The following AGPAT3 variants were observed in gnomAD, a reference collection of about 807,000 sequenced individuals.
AGPAT3 encodes the protein 1-acyl-sn-glycerol-3-phosphate acyltransferase gamma.
AGPAT3 carries 5 observed loss-of-function variants against 47.3 expected under a neutral mutation model. That is an observed-to-expected ratio of 0.11 (90% CI 0.06 to 0.22). The LOEUF (loss-of-function observed/expected upper bound fraction) is 0.22. Among genes scored for constraint, AGPAT3 ranks in the 10% least tolerant of loss-of-function variants. The probability of loss-of-function intolerance (pLI) is 1.00; values close to 1 mark genes in which losing one functional copy is unlikely to be tolerated. For missense variants in AGPAT3, 315 were observed against 493.0 expected, an observed-to-expected ratio of 0.64 and a Z score of 3.42; for synonymous variants, 212 against 208.3, an observed-to-expected ratio of 1.02 and a Z score of -0.15.
At chr21:43,929,966 C>T (rs1269333470) in intron 2 of AGPAT3, among the ~76,000 whole-genome samples, 3 of 152,212 alleles carry the variant, frequency 2.0e-5, no homozygotes, top group Middle Eastern at 3.2e-3. Context: ...AGGTGACAGA[C>T]GCGTTCTCTG....
intron 4 of AGPAT3, among the ~76,000 whole-genome samples, chr21:43,968,440 C>T (rs1450642721): frequency 7.3e-5 from 11 of 150,596 alleles, no homozygotes; most frequent in Non-Finnish European, 1.3e-4. Flanking sequence ...AGCAAGAGGG[C>T]CCTGGGTGGG....
chr21:43,902,897 G>A (rs573665974), intron 1 of AGPAT3, among the ~76,000 whole-genome samples: 3 of 152,326 alleles, frequency 2.0e-5, no homozygotes, highest in Non-Finnish European at 4.4e-5. Context: ...CTACTTGGGA[G>A]GCTGAGGTGG....
At chr21:43,948,087 T>G (rs1022920884) in intron 2 of AGPAT3, 2 of 152,244 alleles carry the variant, frequency 1.3e-5, no homozygotes, top group Non-Finnish European at 2.9e-5. Flanking sequence ...AAGCTGTGTT[T>G]TTGGCCAAAG....
intron 2 of AGPAT3, among the ~76,000 whole-genome samples, chr21:43,917,930 GTGT>G (rs1330623951): frequency 2.9e-5 from 2 of 69,254 alleles, no homozygotes; most frequent in Admixed American, 1.5e-4. Flanking sequence ...GGGGGTGTGG[GTGT>G]TGTGGGTGTT....
intron 2 of AGPAT3, among the ~76,000 whole-genome samples, chr21:43,929,277 G>C (rs571090734): frequency 4.7e-4 from 71 of 152,338 alleles, no homozygotes; most frequent in African/African-American, 1.6e-3. Flanking sequence ...AGACGGGCCT[G>C]GCTCTGGGCC....
chr21:43,900,122 C>T (rs1310177653), intron 1 of AGPAT3, among the ~76,000 whole-genome samples: 5 of 152,170 alleles, frequency 3.3e-5, no homozygotes, highest in African/African-American at 4.8e-5. Flanking sequence ...TTGTTCTCTT[C>T]CAGAGACGGC....
At chr21:43,887,361 C>A (rs1569046378) in intron 1 of AGPAT3, among the ~76,000 whole-genome samples, 2 of 152,182 alleles carry the variant, frequency 1.3e-5, no homozygotes, top group Admixed American at 6.5e-5. Context: ...CAGGTTGAAA[C>A]AGCAACTATC....
chr21:43,917,542 A>T (rs1382082362), intron 2 of AGPAT3, among the ~76,000 whole-genome samples: 3 of 152,176 alleles, frequency 2.0e-5, no homozygotes, highest in African/African-American at 7.2e-5. Context: ...GAGTCCAATT[A>T]ACAAGAGCAC....
chr21:43,870,039 A>G (rs1244496596), intron 1 of AGPAT3, among the ~76,000 whole-genome samples: 1 of 152,168 alleles, frequency 6.6e-6, no homozygotes, highest in East Asian at 1.9e-4. Context: ...ACAAAAACAA[A>G]AGGAACAGTA....
rs2085827804 is a variant in AGPAT3, at chr21:43,880,198, G to A, written c.-112+14853G>A. On this transcript the variant is annotated intron_variant, in intron 1 of 9. Coordinates refer to ENST00000291572, the MANE Select transcript of AGPAT3 (RefSeq NM_020132.5). This position sits in a 1 kb window ranked among gnomAD's most constrained non-coding sequence, Gnocchi z 4.5. ...CTGTGGCCTCCCAGGCTGGTGCTGT[G>A]TTCCTGGACCAGCGTCCGATTTCCC... Among the ~76,000 whole-genome samples, 1 of 152,178 alleles carries A rather than the reference G, an allele frequency of 6.6e-6. No individual in the cohort carries two copies. The highest frequency in any genetic ancestry group is 1.5e-5 in the Non-Finnish European group (1 of 68,038).
intron 1 of AGPAT3, among the ~76,000 whole-genome samples, chr21:43,870,796 C>T (rs985329462): frequency 6.6e-6 from 1 of 152,120 alleles, no homozygotes; most frequent in Non-Finnish European, 1.5e-5. Context: ...CAAAGCTATA[C>T]AGGAAAATCG....
At chr21:43,953,062 A>G (rs1425260987) in intron 2 of AGPAT3, among the ~76,000 whole-genome samples, 1 of 152,228 alleles carries the variant, frequency 6.6e-6, no homozygotes, top group Non-Finnish European at 1.5e-5. Context: ...CGGCTCTGCC[A>G]TGCATTCTTG....
intron 1 of AGPAT3, chr21:43,866,475 C>T (rs2085509236): frequency 1.3e-5 from 2 of 152,198 alleles, no homozygotes; most frequent in Non-Finnish European, 2.9e-5. Flanking sequence ...CGACTCGACT[C>T]GCTTAGGAAT....
At position 43,886,793 on chromosome 21, in the gene AGPAT3, C is replaced by T. The variant is rs142874148; in HGVS notation, c.-111-17164C>T. 5.2e-3 allele frequency among the ~76,000 whole-genome samples: 790 copies of T among 152,286 alleles called. 6 individuals carry two copies. The highest frequency in any genetic ancestry group is 0.017 in the African/African-American group (727 of 41,552). ...GACAGAACCTCATTCTTTTTTATGGCTGAATAATACTCCATTGTGTATAAG... is the reference window on the plus strand; with the variant it reads ...GACAGAACCTCATTCTTTTTTATGGTTGAATAATACTCCATTGTGTATAAG... On this transcript the variant is annotated intron_variant, in intron 1 of 9. Transcript: ENST00000291572.
At chr21:43,896,204 G>A (rs62228701) in intron 1 of AGPAT3, among the ~76,000 whole-genome samples, 16,893 of 152,196 alleles carry the variant, frequency 0.11, 1,846 homozygotes, top group African/African-American at 0.28. Context: ...ACGCCTGGCC[G>A]TGATAACTGT....
intron 1 of AGPAT3, among the ~76,000 whole-genome samples, chr21:43,887,994 T>A (rs1003148474): frequency 1.3e-5 from 2 of 152,260 alleles, no homozygotes; most frequent in Non-Finnish European, 2.9e-5. Flanking sequence ...AACTTCTCTA[T>A]ACAAACTTTT....
rs199929492 is a variant in AGPAT3, at chr21:43,970,797, C to T, written c.655C>T (p.Arg219Trp). The change falls in exon 6 of 10, where the codon CGG (arginine) becomes TGG (tryptophan). Residue 219 changes from arginine to tryptophan, a missense_variant. Arg to Trp is a moderately radical substitution (Grantham distance 101). Transcript: ENST00000291572. The surrounding 1 kb of genome is among the most constrained non-coding windows in gnomAD (Gnocchi z 5.8). ...CTTCACCACCGCAGTCAAGTGCCTC[C>T]GGGGGACAGGTAGGCCCCAGACTGC... ...KGFTTAVKCL[R>W]GTVAAVYDVT... 5.8e-5 allele frequency: 92 copies of T among 1,581,062 alleles called. No homozygotes were observed. Among genetic ancestry groups the T allele is most frequent in the Non-Finnish European group, 7.3e-5 (85 of 1,158,014 alleles).
chr21:43,921,082 C>G (rs2086881764), intron 2 of AGPAT3, among the ~76,000 whole-genome samples: 1 of 152,208 alleles, frequency 6.6e-6, no homozygotes, highest in Non-Finnish European at 1.5e-5. Context: ...CACTGCATTC[C>G]AGCCTGGGCA....
intron 1 of AGPAT3, among the ~76,000 whole-genome samples, chr21:43,898,096 G>A (rs1177926885): frequency 2.0e-5 from 3 of 152,160 alleles, no homozygotes; most frequent in South Asian, 2.1e-4. Context: ...GTCCAGCCTC[G>A]GTAACAGAGG....
Sources: allele counts gnomAD v4.1 joint callset (sites outside exome capture counted in the v4.1 genomes callset), GRCh38; gene constraint gnomAD v4.1.1; non-coding constraint Gnocchi (gnomAD v3.1); transcripts MANE v1.5; gene names NCBI Gene and HGNC (gene_info 2026-07-23, HGNC 2026-07-21).